TJP1: variants seen among roughly 807,000 people sequenced by gnomAD.
The protein encoded by TJP1 is tight junction protein 1, also known as tight junction protein ZO-1.
Under a neutral mutation model 194.2 loss-of-function variants are expected in TJP1, and 43 were observed. That is an observed-to-expected ratio of 0.22 (90% confidence interval 0.17 to 0.29). The LOEUF (loss-of-function observed/expected upper bound fraction) is 0.29. Among genes scored for constraint, TJP1 ranks in the 10% least tolerant of loss-of-function variants. TJP1 has a pLI of 1.00. For missense variants in TJP1, 1,971 were observed against 2,185.7 expected, an observed-to-expected ratio of 0.90 and a Z score of 1.96; for synonymous variants, 801 against 779.0, an observed-to-expected ratio of 1.03 and a Z score of -0.47.
chr15:29,889,906 A>C (rs1596192385), intron 2 of TJP1, among the ~76,000 whole-genome samples: 1 of 152,246 alleles, frequency 6.6e-6, no homozygotes, highest in East Asian at 1.9e-4. Flanking sequence ...ACTGCTAACC[A>C]CAGGAAAATG....
At chr15:29,939,865 G>C (rs1377093107) in intron 2 of TJP1, among the ~76,000 whole-genome samples, 1 of 152,140 alleles carries the variant, frequency 6.6e-6, no homozygotes, top group African/African-American at 2.4e-5. Context: ...AATCTGCGAT[G>C]GCCTGATCTT....
At chr15:29,801,448 G>A (rs1233473668) in intron 1 of TJP1, among the ~76,000 whole-genome samples, 6 of 144,784 alleles carry the variant, frequency 4.1e-5, no homozygotes, top group African/African-American at 1.3e-4. Context: ...TCAATAGAGA[G>A]GAAAATAAAT....
chr15:29,726,330 G>T, intron 18 of TJP1, 49 bp downstream of exon 18: 1 of 1,458,610 alleles, frequency 6.9e-7, no homozygotes, highest in Non-Finnish European at 9.6e-7. Context: ...TCTCTGATTA[G>T]TTACATAATT....
intron 2 of TJP1, among the ~76,000 whole-genome samples, chr15:29,945,542 G>A (rs563891674): frequency 6.6e-6 from 1 of 152,252 alleles, no homozygotes; most frequent in African/African-American, 2.4e-5. Context: ...GGAGGCCCAT[G>A]GCAGCACGAA....
chr15:29,867,113 T>C (rs1461849371), intron 2 of TJP1, among the ~76,000 whole-genome samples: 2 of 152,210 alleles, frequency 1.3e-5, no homozygotes, highest in African/African-American at 4.8e-5. Context: ...AGATAAATTA[T>C]GTAGTATATA....
intron 2 of TJP1, among the ~76,000 whole-genome samples, chr15:29,837,926 A>T (rs898824808): frequency 3.3e-5 from 5 of 152,156 alleles, no homozygotes; most frequent in African/African-American, 1.2e-4. Context: ...TATCCTCTCA[A>T]AAGCATCTGA....
At chr15:29,708,147 G>C (rs1433907646) in intron 25 of TJP1, among the ~76,000 whole-genome samples, 3 of 147,360 alleles carry the variant, frequency 2.0e-5, no homozygotes, top group Non-Finnish European at 4.4e-5. Flanking sequence ...AGTGAACCAA[G>C]ATCGCACCAC....
At chr15:29,909,164 AAAAAAAAGAAAAG>A (rs1291115762) in intron 2 of TJP1, among the ~76,000 whole-genome samples, 2 of 149,394 alleles carry the variant, frequency 1.3e-5, no homozygotes, top group Non-Finnish European at 3.0e-5. Context: ...CTCAAAAAAA[AAAAAAAAGAAAAG>A]AAAAAGAAAA....
At chr15:29,713,084 A>G (rs2042339092) in intron 23 of TJP1, among the ~76,000 whole-genome samples, 1 of 152,210 alleles carries the variant, frequency 6.6e-6, no homozygotes, top group South Asian at 2.1e-4. Flanking sequence ...ATGATGTCTC[A>G]CAAACACAAA....
At chr15:29,851,758 G>A (rs1462141700) in intron 2 of TJP1, among the ~76,000 whole-genome samples, 1 of 152,240 alleles carries the variant, frequency 6.6e-6, no homozygotes, top group African/African-American at 2.4e-5. Flanking sequence ...ATAAAGATCA[G>A]TGGAACCCAG....
intron 8 of TJP1, among the ~76,000 whole-genome samples, chr15:29,747,107 AAAAC>A (rs1464163373): frequency 6.6e-6 from 1 of 152,150 alleles, no homozygotes; most frequent in African/African-American, 2.4e-5. Context: ...CAACATGGTG[AAAAC>A]CCCTCTCTAC....
chr15:29,890,745 A>G (rs2152159555), intron 2 of TJP1, among the ~76,000 whole-genome samples: 2 of 152,190 alleles, frequency 1.3e-5, no homozygotes, highest in Middle Eastern at 6.8e-3. Flanking sequence ...GTACATCTCT[A>G]TCAAACTGCT....
chr15:29,753,300 A>G (rs1211621973), intron 8 of TJP1, among the ~76,000 whole-genome samples: 1 of 151,558 alleles, frequency 6.6e-6, no homozygotes, highest in Non-Finnish European at 1.5e-5. Flanking sequence ...TGGCTAACAC[A>G]GTGAAACCCC....
chr15:29,812,989 C>T (rs1350551197), intron 1 of TJP1, among the ~76,000 whole-genome samples: 1 of 151,936 alleles, frequency 6.6e-6, no homozygotes, highest in Non-Finnish European at 1.5e-5. Flanking sequence ...CCAATAACTG[C>T]CACTGTTAGA....
chr15:29,769,533 G>T (rs1270739582), intron 4 of TJP1, among the ~76,000 whole-genome samples: 5 of 152,200 alleles, frequency 3.3e-5, no homozygotes, highest in Non-Finnish European at 5.9e-5. Context: ...ACACTGAAAT[G>T]CCTGTGAATG....
chr15:29,944,385 G>A (rs1423638934), intron 2 of TJP1, among the ~76,000 whole-genome samples: 18 of 152,044 alleles, frequency 1.2e-4, no homozygotes, highest in Admixed American at 1.2e-3. Context: ...GTGAGCCACC[G>A]CGCCCGGCCT....
At chr15:29,809,842 C>T (rs571820462) in intron 1 of TJP1, among the ~76,000 whole-genome samples, 3 of 143,544 alleles carry the variant, frequency 2.1e-5, no homozygotes, top group South Asian at 2.2e-4. Context: ...AGCGAAACTC[C>T]GTCTTAAAAA....
At chr15:29,713,204 T>G (rs1343137939) in intron 23 of TJP1, among the ~76,000 whole-genome samples, 1 of 152,226 alleles carries the variant, frequency 6.6e-6, no homozygotes, top group Non-Finnish European at 1.5e-5. Context: ...AAAGGTAGAT[T>G]TGATAACAAA....
At chr15:29,812,999 A>G (rs770468985) in intron 1 of TJP1, among the ~76,000 whole-genome samples, 8 of 150,464 alleles carry the variant, frequency 5.3e-5, no homozygotes, top group Non-Finnish European at 1.0e-4. Context: ...CCACTGTTAG[A>G]AAAAAAAAAT....
Sources: gnomAD v4.1 joint callset for allele counts (sites outside exome capture counted in the v4.1 genomes callset) on GRCh38, gnomAD v4.1.1 for gene constraint, MANE v1.5 for transcripts, NCBI Gene and HGNC (gene_info 2026-07-23, HGNC 2026-07-21) for gene names.